Variants in CBR4 observed in about 807,000 individuals in gnomAD.
CBR4 encodes the protein 3-oxoacyl-[acyl-carrier-protein] reductase.
In CBR4, 22 loss-of-function variants were observed where a neutral mutation model predicts 21.0. The ratio of observed to expected loss-of-function variants is 1.05; its 90% confidence interval spans 0.75 to 1.50. The LOEUF is 1.50. Ranked by LOEUF, CBR4 falls within the 40% of genes most tolerant of loss-of-function variation. The probability of loss-of-function intolerance (pLI) is 0.00; values close to 1 mark genes in which losing one functional copy is unlikely to be tolerated. For missense variants in CBR4, 302 were observed against 286.3 expected (o/e 1.05, Z -0.40); for synonymous variants, 100 against 104.4 (o/e 0.96, Z 0.26).
chr4:168,931,182 G>C (rs1762959834), intron 2 of CBR4, among the ~76,000 whole-genome samples: 1 of 152,162 alleles, frequency 6.6e-6, no homozygotes, highest in Non-Finnish European at 1.5e-5. Flanking sequence ...ACCTACCCTT[G>C]AGCTGGCCAA....
intron 4 of CBR4, among the ~76,000 whole-genome samples, chr4:168,996,592 G>A (rs967234292): frequency 6.6e-6 from 1 of 151,788 alleles, no homozygotes; most frequent in East Asian, 1.9e-4. Flanking sequence ...ACAAGCTAAG[G>A]GTTCACTCTT....
chr4:168,988,716 T>TA lies in CBR4; in HGVS notation c.*1433dup. 1 of 972,360 alleles carries TA rather than the reference T, an allele frequency of 1.0e-6. No individual in the cohort carries two copies. Among genetic ancestry groups the TA allele is most frequent in the Non-Finnish European group, 1.2e-6 (1 of 818,046 alleles). 60.2% of individuals were successfully genotyped at this position (972,360 alleles called of 1,614,324 possible). A position where few individuals can be genotyped will look rare whatever the true frequency, so the allele number is the denominator to read the frequency against. Reference sequence around the variant, plus strand: ...TAATGATACTAACTTTACTCACACTTAATTGACTTTCTCATATCCTGAGAT... The same window carrying TA: ...TAATGATACTAACTTTACTCACACTTAAATTGACTTTCTCATATCCTGAGAT... On this transcript the variant is annotated 3_prime_UTR_variant, in exon 5 of 5. Transcript: ENST00000306193.
intron 1 of CBR4, among the ~76,000 whole-genome samples, chr4:169,008,453 TGTA>T (rs1440088080): frequency 6.6e-6 from 1 of 152,238 alleles, no homozygotes. Context: ...TACTCTAAAA[TGTA>T]GGATTGTTTT....
chr4:168,944,262 T>A (rs1252987560), intron 2 of CBR4, among the ~76,000 whole-genome samples: 1 of 151,864 alleles, frequency 6.6e-6, no homozygotes, highest in African/African-American at 2.4e-5. Context: ...TTAGGCAATG[T>A]AGTGAGACCC....
At position 168,894,569 on chromosome 4, in the gene CBR4, CGTT is replaced by C. The variant is rs867266337; in HGVS notation, n.363_365del. ...CTAATTTTGTATTTTTTGTGACTTA[CGTT>C]GTTTAGAGGTTAACATACGAAGAAA... On this transcript the variant is annotated splice_region_variant and non_coding_transcript_exon_variant, in exon 3 of 4. Transcript: ENST00000509108. The C allele has an allele frequency of 5.0e-6, 8 of 1,585,008 alleles. No homozygotes were observed. The African/African-American group carries it at 1.1e-4, about 21-fold the overall frequency.
At chr4:168,922,100 TATACACACACACACACACACACACAC>T (rs1401790857) in intron 2 of CBR4, among the ~76,000 whole-genome samples, 2 of 96,632 alleles carry the variant, frequency 2.1e-5, no homozygotes, top group African/African-American at 3.6e-5. Flanking sequence ...TATATATATA[TATACACACACACACACACACACACAC>T]ACACACACAC....
At chr4:168,970,833 G>T (rs1213788306) in intron 2 of CBR4, among the ~76,000 whole-genome samples, 3 of 149,534 alleles carry the variant, frequency 2.0e-5, no homozygotes, top group African/African-American at 7.4e-5. Context: ...AGTAGTCCAT[G>T]ATATATATAT....
At chr4:169,004,480 C>T (rs1161874911) in intron 3 of CBR4, among the ~76,000 whole-genome samples, 1 of 152,210 alleles carries the variant, frequency 6.6e-6, no homozygotes, top group Non-Finnish European at 1.5e-5. Flanking sequence ...CCTCTCAATC[C>T]CTGCTATTGC....
rs769023546 is a variant in CBR4 at position 169,002,104 on chromosome 4, T to G, written c.502A>C (p.Arg168=). The change falls in exon 4 of 5, where the codon AGA becomes CGA. Residue 168 remains arginine (R), a synonymous_variant. Coordinates refer to ENST00000306193, the MANE Select transcript of CBR4 (RefSeq NM_032783.5). ...FSRALAKEVA[R]KKIRVNVVAP... Reference sequence around the variant, plus strand: ...ACTACATTCACTCTAATTTTCTTTCTTGCTACCTCTTTAGCAAGAGCACGT... The same window carrying G: ...ACTACATTCACTCTAATTTTCTTTCGTGCTACCTCTTTAGCAAGAGCACGT... 5.0e-6 allele frequency: 8 copies of G among 1,597,204 alleles called. No homozygotes were observed. The highest frequency in any genetic ancestry group is 6.8e-6 in the Non-Finnish European group (8 of 1,173,506).
In CBR4 at chr4:168,990,282, T is replaced by A. The variant is rs764983559; in HGVS notation, c.582A>T (p.Leu194Phe). 2.5e-6 allele frequency: 4 copies of A among 1,611,422 alleles called. No individual in the cohort carries two copies. The South Asian group carries it at 4.4e-5, about 18-fold the overall frequency. Residue 194 changes from leucine (L) to phenylalanine (F), a missense_variant, in exon 5 of 5, where the codon TTA becomes TTT. Physicochemically the swap from Leu to Phe is conservative, Grantham distance 22. Transcript: ENST00000306193. ...ACCTCCCAAGAGGAATATTTTTCTTTAAATGTTCTTCTTTCAAGTCTTTCG... is the reference window on the plus strand; with the variant it reads ...ACCTCCCAAGAGGAATATTTTTCTTAAAATGTTCTTCTTTCAAGTCTTTCG... The part of the protein sequence containing the change: ...DMTKDLKEEH[L>F]KKNIPLGRFG...
At chr4:168,991,782 C>A (rs1764937838) in intron 4 of CBR4, among the ~76,000 whole-genome samples, 1 of 151,918 alleles carries the variant, frequency 6.6e-6, no homozygotes, top group South Asian at 2.1e-4. Flanking sequence ...AAAAAGAAAG[C>A]AATATTAATC....
intron 2 of CBR4, among the ~76,000 whole-genome samples, chr4:168,928,982 TGA>T (rs776750213): frequency 1.3e-4 from 20 of 152,150 alleles, no homozygotes; most frequent in Non-Finnish European, 2.8e-4. Flanking sequence ...TTGGAATAAC[TGA>T]GAGAAGGTGT....
intron 2 of CBR4, among the ~76,000 whole-genome samples, chr4:168,981,268 GC>G (rs1369321213): frequency 1.2e-4 from 18 of 151,750 alleles, no homozygotes; most frequent in Admixed American, 1.2e-3. Context: ...GCTTGGTGGT[GC>G]ATGCCTGTAA....
chr4:168,943,367 G>A (rs1181972086), intron 2 of CBR4, among the ~76,000 whole-genome samples: 1 of 152,196 alleles, frequency 6.6e-6, no homozygotes, highest in Non-Finnish European at 1.5e-5. Flanking sequence ...ACCGCACAAA[G>A]GCTATCAATA....
intron 2 of CBR4, among the ~76,000 whole-genome samples, chr4:168,912,826 G>A (rs1472851441): frequency 6.6e-6 from 1 of 152,042 alleles, no homozygotes; most frequent in Non-Finnish European, 1.5e-5. Flanking sequence ...CTCCTATGTA[G>A]CTGTAATTTT....
chr4:168,924,635 TAA>T (rs1228817303), intron 2 of CBR4, among the ~76,000 whole-genome samples: 2 of 152,214 alleles, frequency 1.3e-5, no homozygotes, highest in African/African-American at 4.8e-5. Flanking sequence ...GGTGATTTCT[TAA>T]AAGTGTTTAT....
chr4:168,921,066 T>G (rs1464676643), intron 2 of CBR4, among the ~76,000 whole-genome samples: 1 of 151,944 alleles, frequency 6.6e-6, no homozygotes, highest in African/African-American at 2.4e-5. Flanking sequence ...AAGCCAAAGT[T>G]TAAAGCAAAA....
chr4:168,975,876 C>G (rs999303693), intron 2 of CBR4, among the ~76,000 whole-genome samples: 2 of 152,110 alleles, frequency 1.3e-5, no homozygotes, highest in Non-Finnish European at 2.9e-5. Flanking sequence ...TGGGGGAAAG[C>G]TGACAGTGAC....
At chr4:168,910,562 T>G (rs1758720632) in intron 2 of CBR4, among the ~76,000 whole-genome samples, 1 of 152,180 alleles carries the variant, frequency 6.6e-6, no homozygotes, top group Non-Finnish European at 1.5e-5. Flanking sequence ...CCATAGTGAG[T>G]GCTACAATAA....
Sources: gnomAD v4.1 joint callset for allele counts (sites outside exome capture counted in the v4.1 genomes callset) on GRCh38, gnomAD v4.1.1 for gene constraint, MANE v1.5 for transcripts, NCBI Gene and HGNC (gene_info 2026-07-23, HGNC 2026-07-21) for gene names.